LRFN5: variants seen among roughly 807,000 people sequenced by gnomAD.
The protein encoded by LRFN5 is leucine rich repeat and fibronectin type III domain containing 5.
Under a neutral mutation model 45.6 loss-of-function variants are expected in LRFN5, and 24 were observed. That is an observed-to-expected ratio of 0.53 (90% confidence interval 0.38 to 0.74). LRFN5 has a LOEUF of 0.74. Ranked by LOEUF, LRFN5 falls within the 30% of genes least tolerant of loss-of-function variation. The pLI is 0.00. For missense variants in LRFN5, 776 were observed against 861.5 expected (o/e 0.90, Z 1.24); for synonymous variants, 340 against 313.8 (o/e 1.08, Z -0.88).
intron 2 of LRFN5, among the ~76,000 whole-genome samples, chr14:41,787,360 T>C (rs1257662597): frequency 6.6e-6 from 1 of 152,116 alleles, no homozygotes; most frequent in East Asian, 1.9e-4. Context: ...TTTGAGTCAC[T>C]CTTTCCTGTG....
intron 2 of LRFN5, among the ~76,000 whole-genome samples, chr14:41,809,083 G>A (rs1173994479): frequency 6.6e-5 from 10 of 152,040 alleles, no homozygotes; most frequent in Admixed American, 6.6e-4. Flanking sequence ...TTCCTTTGTA[G>A]TACAAAGTGC....
intron 2 of LRFN5, among the ~76,000 whole-genome samples, chr14:41,842,817 C>T (rs1338258685): frequency 1.3e-5 from 2 of 151,888 alleles, no homozygotes; most frequent in African/African-American, 2.4e-5. Context: ...GTGTTTTTGG[C>T]ATTTTGATGT....
chr14:41,781,929 A>G (rs1469954285), intron 2 of LRFN5, among the ~76,000 whole-genome samples: 1 of 152,112 alleles, frequency 6.6e-6, no homozygotes, highest in East Asian at 1.9e-4. Flanking sequence ...CTTGCTCTGC[A>G]AATAAGCTGC....
chr14:41,799,989 G>A (rs1391410167), intron 2 of LRFN5, among the ~76,000 whole-genome samples: 2 of 151,664 alleles, frequency 1.3e-5, no homozygotes, highest in Non-Finnish European at 2.9e-5. Flanking sequence ...GGAAGGGAAG[G>A]AAAAATTTAT....
chr14:41,781,782 C>T lies in LRFN5; in HGVS notation c.-21+14753C>T, dbSNP rs573853745. Among the ~76,000 whole-genome samples the T allele has an allele frequency of 4.6e-5, 7 of 151,958 alleles. No homozygotes were observed. The South Asian group carries it at 1.5e-3, about 31-fold the overall frequency. On this transcript the variant is annotated intron_variant, in intron 2 of 5. Transcript: ENST00000298119. ...TTGAGAAAGCCTTTATTTCTTTTTA[C>T]TTTTTGGAGGAAAAGATGTTGCTAG...
At chr14:41,817,254 A>G (rs563279795) in intron 2 of LRFN5, among the ~76,000 whole-genome samples, 2 of 152,074 alleles carry the variant, frequency 1.3e-5, no homozygotes, top group Non-Finnish European at 2.9e-5. Flanking sequence ...GAATTCCAAC[A>G]TACCTGACAA....
intron 1 of LRFN5, among the ~76,000 whole-genome samples, chr14:41,650,631 C>A (rs1322092432): frequency 6.6e-6 from 1 of 151,920 alleles, no homozygotes; most frequent in Non-Finnish European, 1.5e-5. Context: ...TGAATAATCT[C>A]TTTTAAGGAA....
intron 2 of LRFN5, among the ~76,000 whole-genome samples, chr14:41,884,617 G>A (rs958223082): frequency 4.6e-5 from 7 of 152,246 alleles, no homozygotes; most frequent in African/African-American, 1.7e-4. Context: ...CAGCAAGCTG[G>A]TAAGGAAAAC....
chr14:41,660,676 TG>T (rs973177640), intron 1 of LRFN5, among the ~76,000 whole-genome samples: 2 of 151,942 alleles, frequency 1.3e-5, no homozygotes, highest in East Asian at 3.9e-4. Context: ...CTGGAGTGCT[TG>T]TAAAGATACT....
intron 3 of LRFN5, among the ~76,000 whole-genome samples, chr14:41,890,098 A>T (rs923295288): frequency 6.6e-6 from 1 of 152,056 alleles, no homozygotes; most frequent in South Asian, 2.1e-4. Flanking sequence ...TCCTGACCTC[A>T]GTTGATCCAC....
At chr14:41,781,612 G>GAAAGAA (rs1555317536) in intron 2 of LRFN5, among the ~76,000 whole-genome samples, 5 of 84,402 alleles carry the variant, frequency 5.9e-5, no homozygotes, top group Admixed American at 1.2e-4. Flanking sequence ...AAGAAAGAAA[G>GAAAGAA]AAAGAGAAAG....
At chr14:41,774,339 A>G (rs185689160) in intron 2 of LRFN5, among the ~76,000 whole-genome samples, 175 of 152,314 alleles carry the variant, frequency 1.1e-3, no homozygotes, top group African/African-American at 3.9e-3. Context: ...ACACATATTA[A>G]ACTTAGAATT....
chr14:41,722,113 C>A (rs1883741874), intron 1 of LRFN5, among the ~76,000 whole-genome samples: 2 of 151,926 alleles, frequency 1.3e-5, no homozygotes, highest in African/African-American at 4.8e-5. Context: ...GTTTGAAGGA[C>A]CAGCTCCAAG....
At chr14:41,861,804 G>A (rs1308496465) in intron 2 of LRFN5, among the ~76,000 whole-genome samples, 1 of 152,132 alleles carries the variant, frequency 6.6e-6, no homozygotes, top group Admixed American at 6.6e-5. Context: ...GAATCTTTAT[G>A]TAAACACCAC....
At chr14:41,801,894 T>C (rs534833656) in intron 2 of LRFN5, among the ~76,000 whole-genome samples, 2 of 152,170 alleles carry the variant, frequency 1.3e-5, no homozygotes, top group South Asian at 4.1e-4. Flanking sequence ...AAGGTTGAGG[T>C]ACACCTGCCA....
chr14:41,645,822 T>C (rs1879790476), intron 1 of LRFN5, among the ~76,000 whole-genome samples: 1 of 152,220 alleles, frequency 6.6e-6, no homozygotes. Context: ...TTCTGTGTAA[T>C]CTGCTTTTGG....
At chr14:41,860,145 A>G (rs987050259) in intron 2 of LRFN5, among the ~76,000 whole-genome samples, 1 of 152,198 alleles carries the variant, frequency 6.6e-6, no homozygotes, top group Non-Finnish European at 1.5e-5. Flanking sequence ...AATTCCTACT[A>G]TAGTCCAGAG....
chr14:41,709,454 A>G (rs939529692), intron 1 of LRFN5, among the ~76,000 whole-genome samples: 8 of 152,042 alleles, frequency 5.3e-5, no homozygotes, highest in African/African-American at 1.7e-4. Context: ...ACTGTTTATT[A>G]AAGATGTTGA....
chr14:41,817,912 G>A (rs1887976799), intron 2 of LRFN5, among the ~76,000 whole-genome samples: 2 of 151,928 alleles, frequency 1.3e-5, no homozygotes, highest in Admixed American at 1.3e-4. Flanking sequence ...AGGTTTGTGG[G>A]CTTGGTTTCT....
Sources: allele counts gnomAD v4.1 joint callset (sites outside exome capture counted in the v4.1 genomes callset), GRCh38; gene constraint gnomAD v4.1.1; transcripts MANE v1.5; gene names NCBI Gene and HGNC (gene_info 2026-07-23, HGNC 2026-07-21).